The following SUCO variants were observed in gnomAD, a reference collection of about 807,000 sequenced individuals.
The protein encoded by SUCO is SUN domain-containing ossification factor.
Under a neutral mutation model 148.1 loss-of-function variants are expected in SUCO, and 57 were observed. That is an observed-to-expected ratio of 0.38 (90% CI 0.31 to 0.48). The LOEUF (loss-of-function observed/expected upper bound fraction) is 0.48. Among genes scored for constraint, SUCO ranks in the 20% least tolerant of loss-of-function variants. The pLI is 0.96. For synonymous variants in SUCO, 470 were observed against 502.7 expected (o/e 0.93, Z 0.87); for missense variants, 1,331 against 1,468.2 (o/e 0.91, Z 1.53).
At chr1:172,541,818 T>G in intron 1 of SUCO, 1 of 979,088 alleles carries the variant, frequency 1.0e-6, no homozygotes, top group Non-Finnish European at 1.2e-6. Context: ...ACACTGTCAC[T>G]GAGAGTACAT....
intron 1 of SUCO, 48 bp downstream of exon 1, chr1:172,533,545 G>A (rs1397608780): frequency 8.7e-6 from 13 of 1,495,040 alleles, no homozygotes; most frequent in Non-Finnish European, 9.9e-6. Flanking sequence ...GAGTAAATGG[G>A]AGGGAGCAGC....
At chr1:172,535,092 T>C (rs1442439168) in intron 1 of SUCO, among the ~76,000 whole-genome samples, 1 of 152,246 alleles carries the variant, frequency 6.6e-6, no homozygotes, top group Non-Finnish European at 1.5e-5. Context: ...TTGATTAAGC[T>C]AACCCTCAGT....
intron 9 of SUCO, among the ~76,000 whole-genome samples, chr1:172,573,352 T>C (rs1010460948): frequency 6.6e-5 from 10 of 152,190 alleles, no homozygotes; most frequent in African/African-American, 2.4e-4. Context: ...TTTCATTGTC[T>C]GGATGAACCA....
At chr1:172,567,288 C>T (rs1212159654) in intron 6 of SUCO, among the ~76,000 whole-genome samples, 1 of 152,070 alleles carries the variant, frequency 6.6e-6, no homozygotes, top group East Asian at 1.9e-4. Context: ...TGTTAGTGAA[C>T]ACATCAAAAC....
At chr1:172,568,305 T>TTGG in intron 6 of SUCO, 5 of 905,964 alleles carry the variant, frequency 5.5e-6, no homozygotes, top group Non-Finnish European at 6.6e-6. Flanking sequence ...ATTCTTTGCT[T>TTGG]CCCACCCACC....
At chr1:172,591,143 C>G (rs1656625824) in intron 19 of SUCO, 72 bp downstream of exon 19, 4 of 1,148,422 alleles carry the variant, frequency 3.5e-6, no homozygotes, top group Non-Finnish European at 5.1e-6. Context: ...CACTGGTAAA[C>G]AGTAAGTATT....
At chr1:172,576,175 AT>A (rs1270301090) in intron 11 of SUCO, among the ~76,000 whole-genome samples, 1 of 151,814 alleles carries the variant, frequency 6.6e-6, no homozygotes, top group Non-Finnish European at 1.5e-5. Flanking sequence ...ATTAAGTAAA[AT>A]TATCACTTTT....
upstream of SUCO, chr1:172,532,537 C>G: frequency 6.2e-7 from 1 of 1,613,804 alleles, no homozygotes; most frequent in East Asian, 2.2e-5. Flanking sequence ...TGGGGCAGTC[C>G]ATTGCCACAG....
intron 1 of SUCO, among the ~76,000 whole-genome samples, chr1:172,533,853 G>C (rs1651810074): frequency 6.6e-6 from 1 of 152,204 alleles, no homozygotes; most frequent in Non-Finnish European, 1.5e-5. Flanking sequence ...TTTGCCGCCA[G>C]TCTTTGCGTT....
intron 17 of SUCO, among the ~76,000 whole-genome samples, chr1:172,586,167 G>T (rs552035403): frequency 7.5e-5 from 10 of 132,630 alleles, no homozygotes; most frequent in African/African-American, 1.8e-4. Flanking sequence ...ACTTTTTTTG[G>T]GGGGGGTATT....
chr1:172,586,126 A>G (rs1219179370), intron 17 of SUCO, among the ~76,000 whole-genome samples, 178 bp downstream of exon 17: 1 of 152,032 alleles, frequency 6.6e-6, no homozygotes, highest in Non-Finnish European at 1.5e-5. Context: ...CCATTAGTGT[A>G]TATGCATACT....
intron 10 of SUCO, 91 bp downstream of exon 10, chr1:172,574,089 TCAGTC>T (rs1238899964): frequency 2.9e-6 from 2 of 700,478 alleles, no homozygotes; most frequent in Non-Finnish European, 4.9e-6. Flanking sequence ...CATTTTGACT[TCAGTC>T]CATTTATTTT....
At chr1:172,582,084 A>G (rs1309290971) in intron 15 of SUCO, among the ~76,000 whole-genome samples, 1 of 152,188 alleles carries the variant, frequency 6.6e-6, no homozygotes, top group Non-Finnish European at 1.5e-5. Context: ...TGAATTTGCC[A>G]GACCTCTGCC....
intron 17 of SUCO, among the ~76,000 whole-genome samples, chr1:172,586,448 A>G (rs1368123569): frequency 6.6e-6 from 1 of 152,088 alleles, no homozygotes; most frequent in Admixed American, 6.6e-5. Context: ...TGCAGTGGGG[A>G]CACTTTGGGC....
chr1:172,553,423 A>G, intron 3 of SUCO, 53 bp downstream of exon 3: 1 of 1,320,082 alleles, frequency 7.6e-7, no homozygotes, highest in African/African-American at 1.5e-5. Context: ...ACTACTTTAC[A>G]AGATTGAAAA....
Position 172,609,761 on chromosome 1 carries a change from G to C in SUCO, c.3322-55G>C, listed in dbSNP as rs1038510748. ...TATTAGCTCAGCTCTCTAGGTGTTTGATAAGGTTACTATGGGAAGTATCAT... is the reference window on the plus strand; with the variant it reads ...TATTAGCTCAGCTCTCTAGGTGTTTCATAAGGTTACTATGGGAAGTATCAT... On this transcript the variant is annotated intron_variant, in intron 23 of 23. Coordinates refer to ENST00000263688, the MANE Select transcript of SUCO (RefSeq NM_014283.5). 2.1e-5 allele frequency: 33 copies of C among 1,540,628 alleles called. No individual in the cohort carries two copies. In the South Asian group the frequency reaches 4.2e-4, roughly 20 times the overall value.
At chr1:172,544,785 A>G (rs1328109927) in intron 1 of SUCO, among the ~76,000 whole-genome samples, 1 of 152,224 alleles carries the variant, frequency 6.6e-6, no homozygotes, top group Non-Finnish European at 1.5e-5. Flanking sequence ...TAGCATGTGG[A>G]GAGAAGCTTG....
intron 14 of SUCO, chr1:172,578,610 A>G: frequency 1.2e-6 from 1 of 868,390 alleles, no homozygotes; most frequent in Non-Finnish European, 1.4e-6. Context: ...CTTATTTGTA[A>G]CTGAAACTCC....
chr1:172,562,654 T>G (rs534799005), intron 6 of SUCO, among the ~76,000 whole-genome samples: 1 of 152,218 alleles, frequency 6.6e-6, no homozygotes, highest in East Asian at 1.9e-4. Flanking sequence ...CTTTAGAAAG[T>G]GTATTGTAAA....
Sources: gnomAD v4.1 joint callset for allele counts (sites outside exome capture counted in the v4.1 genomes callset) on GRCh38, gnomAD v4.1.1 for gene constraint, MANE v1.5 for transcripts, NCBI Gene and HGNC (gene_info 2026-07-23, HGNC 2026-07-21) for gene names.